Variants in BHLHE41 observed in about 807,000 individuals in gnomAD.
BHLHE41 encodes the protein basic helix-loop-helix family member e41, also known as class E basic helix-loop-helix protein 41.
BHLHE41 carries 14 observed loss-of-function variants against 24.0 expected under a neutral mutation model. The observed-to-expected ratio is 0.58, with a 90% CI of 0.39 to 0.91. BHLHE41 has a LOEUF of 0.91. Ranked by LOEUF, BHLHE41 falls within the 40% of genes least tolerant of loss-of-function variation. The pLI is 0.00. For missense variants in BHLHE41, 674 were observed against 655.4 expected (o/e 1.03, Z -0.31); for synonymous variants, 394 against 315.5 (o/e 1.25, Z -2.64).
Position 26,122,484 on chromosome 12 carries a change from G to A in BHLHE41, c.1031C>T (p.Ala344Val). Residue 344 changes from alanine (A) to valine (V), a missense_variant, in exon 5 of 5, where the codon GCG (alanine) becomes GTG (valine). Around this residue, in one of 3 missense-constraint regions of BHLHE41, gnomAD observed 602 missense variants for 570.8 expected, o/e 1.05. Coordinates refer to ENST00000242728, the MANE Select transcript of BHLHE41 (RefSeq NM_030762.3). The stretch of plus-strand genomic sequence containing the variant: ...GCAGAAGGGCAGGCAGAAGGGGGCC[G>A]CGGCGGCCGCGGGCTGCGGGAAGGG... ...GAPFPQPAAA[A>V]APFCLPFCFL... 3 of 1,332,634 alleles carry A rather than the reference G, an allele frequency of 2.3e-6. No individual in the cohort carries two copies. The highest frequency in any genetic ancestry group is 1.7e-5 in the South Asian group (1 of 58,740). 82.6% of individuals were successfully genotyped at this position (1,332,634 alleles called of 1,614,324 possible). A position where few individuals can be genotyped will look rare whatever the true frequency, so the allele number is the denominator to read the frequency against.
Position 26,120,215 on chromosome 12 carries a change from T to C in BHLHE41, c.*1851A>G, listed in dbSNP as rs543546860. On this transcript the variant is annotated 3_prime_UTR_variant, in exon 5 of 5. Coordinates refer to ENST00000242728, the MANE Select transcript of BHLHE41 (RefSeq NM_030762.3). ...ATAGTTATAGATATCTTAAAACTAA[T>C]TGAGCATCCATTATGTCTTTTTTAA... The C allele has an allele frequency of 1.2e-4, 18 of 152,766 alleles. No individual in the cohort carries two copies. The highest frequency in any genetic ancestry group is 3.1e-4 in the African/African-American group (13 of 41,590). 9.5% of individuals were successfully genotyped at this position (152,766 alleles called of 1,614,324 possible).
rs1944316485 is a variant in BHLHE41 at position 26,122,361 on chromosome 12, A to T, written c.1154T>A (p.Phe385Tyr). Reference protein sequence around the residue: ...YLYPAAAAAPFPLLYPGIPAP... With the variant: ...YLYPAAAAAPYPLLYPGIPAP... ...GGGGATGCCGGGGTATAGCAGCGGGAACGGGGCGGCAGCCGCCGCCGGGTA... is the reference window on the plus strand; with the variant it reads ...GGGGATGCCGGGGTATAGCAGCGGGTACGGGGCGGCAGCCGCCGCCGGGTA... The change falls in exon 5 of 5, where the codon TTC becomes TAC. Residue 385 changes from phenylalanine to tyrosine, a missense_variant. Transcript: ENST00000242728. The T allele has an allele frequency of 2.6e-6, 3 of 1,161,080 alleles. No homozygotes were observed. In the South Asian group the frequency reaches 1.2e-4, roughly 47 times the overall value. 71.9% of individuals were successfully genotyped at this position (1,161,080 alleles called of 1,614,324 possible).
Position 26,121,852 on chromosome 12 carries a change from G to T in BHLHE41, c.*214C>A. ...GGGGAAGAAAGGGATGTTAGTGTGT[G>T]GAGGGTGGGGTGGTGCGGGATGAGC... On this transcript the variant is annotated 3_prime_UTR_variant, in exon 5 of 5. Transcript: ENST00000242728. 8.5e-7 allele frequency: 1 copy of T among 1,177,926 alleles called. No individual in the cohort carries two copies. Among genetic ancestry groups the T allele is most frequent in the Non-Finnish European group, 1.2e-6 (1 of 862,120 alleles). 73.0% of individuals were successfully genotyped at this position (1,177,926 alleles called of 1,614,324 possible). A position where few individuals can be genotyped will look rare whatever the true frequency, so the allele number is the denominator to read the frequency against.
Position 26,122,816 on chromosome 12 carries a change from C to G in BHLHE41, c.699G>C (p.Glu233Asp). 6.3e-7 allele frequency: 1 copy of G among 1,589,970 alleles called. No individual in the cohort carries two copies. Among genetic ancestry groups the G allele is most frequent in the Non-Finnish European group, 8.5e-7 (1 of 1,172,650 alleles). ...AGCCGCTGTCGGTGTCCGTGTCGTT[C>G]TCGGCGGCGAGCTCGGCGCTGGGCT... ...RTQPSAELAA[E>D]NDTDTDSGYG... is the part of the protein sequence containing the mutation. Residue 233 changes from glutamate (E) to aspartate (D), a missense_variant, in exon 5 of 5, where the codon GAG becomes GAC. Physicochemically the swap from Glu to Asp is conservative, Grantham distance 45. Transcript: ENST00000242728.
chr12:26,122,740 C>T lies in BHLHE41; in HGVS notation c.775G>A (p.Gly259Arg), dbSNP rs1944323505. ...TGCTTGATGGTGACGCGGCTCGCCC[C>T]CGCGCCTTTGCCTTTCTCGCGGTCC... ...RPDREKGKGA[G>R]ASRVTIKQEP... Residue 259 changes from glycine to arginine, a missense_variant, in exon 5 of 5, where the codon GGG becomes AGG. Around this residue, in one of 3 missense-constraint regions of BHLHE41, gnomAD observed 602 missense variants for 570.8 expected, o/e 1.05. Coordinates refer to ENST00000242728, the MANE Select transcript of BHLHE41 (RefSeq NM_030762.3). The T allele has an allele frequency of 1.3e-6, 2 of 1,595,954 alleles. No individual in the cohort carries two copies. Among genetic ancestry groups the T allele is most frequent in the Non-Finnish European group, 1.7e-6 (2 of 1,175,916 alleles).
In BHLHE41 at chr12:26,122,908, A is replaced by C. The variant is rs1266757392; in HGVS notation, c.607T>G (p.Cys203Gly). ...AGCTTCTGCCCCGCGCGCTCCAGGCAGGGGGCGGCCGCGGACCCGGCGGCC... is the reference window on the plus strand; with the variant it reads ...AGCTTCTGCCCCGCGCGCTCCAGGCCGGGGGCGGCCGCGGACCCGGCGGCC... ...PSAAGSAAAP[C>G]LERAGQKLEP... Residue 203 changes from cysteine (C) to glycine (G), a missense_variant, in exon 5 of 5, where the codon TGC becomes GGC. Transcript: ENST00000242728. 1 of 1,549,612 alleles carries C rather than the reference A, an allele frequency of 6.5e-7. No homozygotes were observed. Among genetic ancestry groups the C allele is most frequent in the Non-Finnish European group, 8.7e-7 (1 of 1,146,510 alleles).
At chr12:26,123,275 T>A in intron 4 of BHLHE41, 107 bp from the exon 5 acceptor site, 3 of 1,378,338 alleles carry the variant, frequency 2.2e-6, no homozygotes, top group Non-Finnish European at 2.9e-6. Context: ...TCGACTAAAG[T>A]GATCTCGGTT....
In BHLHE41 at chr12:26,124,464, G is replaced by T. The variant is rs562587349; in HGVS notation, c.126+55C>A. 1.8e-5 allele frequency: 28 copies of T among 1,544,532 alleles called. No homozygotes were observed. The East Asian group carries it at 5.4e-4, about 30-fold the overall frequency. ...GGCAGAGCTTCACTGTGAAATCAAT[G>T]GCTCTAATTAACTACCCATGCAGGT... On this transcript the variant is annotated intron_variant, in intron 2 of 4. Coordinates refer to ENST00000242728, the MANE Select transcript of BHLHE41 (RefSeq NM_030762.3).
chr12:26,122,354 C>T lies in BHLHE41; in HGVS notation c.1161G>A (p.Leu387=). The change falls in exon 5 of 5, where the codon CTG becomes CTA. Residue 387 remains leucine, a synonymous_variant. Coordinates refer to ENST00000242728, the MANE Select transcript of BHLHE41 (RefSeq NM_030762.3). ...YPAAAAAPFP[L]LYPGIPAPAA... ...CCGGGGCGGGGATGCCGGGGTATAG[C>T]AGCGGGAACGGGGCGGCAGCCGCCG... 1.7e-6 allele frequency: 2 copies of T among 1,182,630 alleles called. No individual in the cohort carries two copies. The highest frequency in any genetic ancestry group is 3.8e-5 in the East Asian group (1 of 26,538). 73.3% of individuals were successfully genotyped at this position (1,182,630 alleles called of 1,614,324 possible). A position where few individuals can be genotyped will look rare whatever the true frequency, so the allele number is the denominator to read the frequency against.
Position 26,122,390 on chromosome 12 carries a change from A to C in BHLHE41, c.1125T>G (p.Tyr375Ter). Residue 375 changes from tyrosine (Y) to a stop codon, truncating the protein, a stop_gained, in exon 5 of 5, where the codon TAT becomes TAG. Transcript: ENST00000242728. LOFTEE classifies it high-confidence loss of function. ...GGGCGGCAGCCGCCGCCGGGTACAG[A>C]TACTTCTCCAGGCCGCTCTTGTCCA... is the stretch of plus-strand genomic sequence containing the variant. ...PFLDKSGLEK[Y>*]LYPAAAAAPF... 8.0e-7 allele frequency: 1 copy of C among 1,250,782 alleles called. No homozygotes were observed. Among genetic ancestry groups the C allele is most frequent in the Non-Finnish European group, 1.0e-6 (1 of 990,744 alleles). 77.5% of individuals were successfully genotyped at this position (1,250,782 alleles called of 1,614,324 possible). A position where few individuals can be genotyped will look rare whatever the true frequency, so the allele number is the denominator to read the frequency against.
Position 26,124,867 on chromosome 12 carries a change from G to A in BHLHE41, c.-88C>T, listed in dbSNP as rs1354974290. 3 of 1,277,504 alleles carry A rather than the reference G, an allele frequency of 2.3e-6. No individual in the cohort carries two copies. Among genetic ancestry groups the A allele is most frequent in the East Asian group, 2.3e-5 (1 of 43,310 alleles). 79.1% of individuals were successfully genotyped at this position (1,277,504 alleles called of 1,614,324 possible). ...CGGTAGGCTTGGGAGACCTTGGGGG[G>A]ATCTGTGCGTCTCCAGTCTCTCTCT... On this transcript the variant is annotated 5_prime_UTR_variant, in exon 1 of 5. Transcript: ENST00000242728.
At chr12:26,123,291 C>G in intron 4 of BHLHE41, 123 bp from the exon 5 acceptor site, 1 of 1,313,248 alleles carries the variant, frequency 7.6e-7, no homozygotes, top group Non-Finnish European at 1.0e-6. Flanking sequence ...CGGTTTTTCC[C>G]CAGTATTCAA....
Position 26,122,484 on chromosome 12 carries a change from G to C in BHLHE41, c.1031C>G (p.Ala344Gly). 1 of 1,332,634 alleles carries C rather than the reference G, an allele frequency of 7.5e-7. No individual in the cohort carries two copies. Among genetic ancestry groups the C allele is most frequent in the Non-Finnish European group, 9.7e-7 (1 of 1,031,586 alleles). The allele number at this position is 1,332,634 out of a possible 1,614,324, so 82.6% of individuals were successfully genotyped here. Residue 344 changes from alanine to glycine, a missense_variant, in exon 5 of 5, where the codon GCG (alanine) becomes GGG (glycine). Physicochemically the swap from Ala to Gly is moderately conservative, Grantham distance 60. Around this residue, in one of 3 missense-constraint regions of BHLHE41, gnomAD observed 602 missense variants for 570.8 expected, o/e 1.05. Transcript: ENST00000242728. ...GCAGAAGGGCAGGCAGAAGGGGGCCGCGGCGGCCGCGGGCTGCGGGAAGGG... is the reference window on the plus strand; with the variant it reads ...GCAGAAGGGCAGGCAGAAGGGGGCCCCGGCGGCCGCGGGCTGCGGGAAGGG... The part of the protein sequence containing the change: ...GAPFPQPAAA[A>G]APFCLPFCFL...
chr12:26,122,864 G>C lies in BHLHE41; in HGVS notation c.651C>G (p.Cys217Trp). 6.4e-7 allele frequency: 1 copy of C among 1,563,540 alleles called. No individual in the cohort carries two copies. The highest frequency in any genetic ancestry group is 1.4e-5 in the African/African-American group (1 of 73,746). ...GCTGAGTCCGCTGGATGACGGGCAC[G>C]CAGTAGGCGAGGGGCTCCAGCTTCT... ...AGQKLEPLAY[C>W]VPVIQRTQPS... The change falls in exon 5 of 5, where the codon TGC (cysteine) becomes TGG (tryptophan). Residue 217 changes from cysteine (C) to tryptophan (W), a missense_variant. Transcript: ENST00000242728.
chr12:26,122,581 C>T lies in BHLHE41; in HGVS notation c.934G>A (p.Ala312Thr). 9.0e-7 allele frequency: 1 copy of T among 1,109,446 alleles called. No homozygotes were observed. The highest frequency in any genetic ancestry group is 1.1e-6 in the Non-Finnish European group (1 of 911,604). 68.7% of individuals were successfully genotyped at this position (1,109,446 alleles called of 1,614,324 possible). A position where few individuals can be genotyped will look rare whatever the true frequency, so the allele number is the denominator to read the frequency against. Residue 312 changes from alanine to threonine, a missense_variant, in exon 5 of 5, where the codon GCG becomes ACG. Ala to Thr is a moderately conservative substitution (Grantham distance 58, BLOSUM62 0). Transcript: ENST00000242728. ...AALLGPDPAA[A>T]AALLRPDAAL... ...GCGTCGGGTCTCAGCAGCGCGGCCGCGGCGGCAGGGTCGGGCCCCAGAAGC... is the reference window on the plus strand; with the variant it reads ...GCGTCGGGTCTCAGCAGCGCGGCCGTGGCGGCAGGGTCGGGCCCCAGAAGC...
rs754431203 is a variant in BHLHE41 at position 26,125,030 on chromosome 12, AGT to A, written c.-253_-252del. The A allele has an allele frequency of 5.4e-6, 3 of 551,576 alleles. No homozygotes were observed. In the South Asian group the frequency reaches 5.7e-5, roughly 10 times the overall value. 34.2% of individuals were successfully genotyped at this position (551,576 alleles called of 1,614,324 possible). The stretch of plus-strand genomic sequence containing the variant: ...CTGGTAGTTTGCTCTCACTCCAGGC[AGT>A]GTTTGGCCACAGGGCACGCGCGTCG... On this transcript the variant is annotated 5_prime_UTR_variant, in exon 1 of 5. Transcript: ENST00000242728.
Position 26,122,465 on chromosome 12 carries a change from G to A in BHLHE41, c.1050C>T (p.Pro350=). The change falls in exon 5 of 5, where the codon CCC becomes CCT. Residue 350 remains proline (P), a synonymous_variant. Coordinates refer to ENST00000242728, the MANE Select transcript of BHLHE41 (RefSeq NM_030762.3). The part of the protein sequence containing the change: ...PAAAAAPFCL[P]FCFLSPSAAA... ...CTGCAGAAGGCGAGAGGAAGCAGAA[G>A]GGCAGGCAGAAGGGGGCCGCGGCGG... is the stretch of plus-strand genomic sequence containing the variant. 3 of 1,352,364 alleles carry A rather than the reference G, an allele frequency of 2.2e-6. No individual in the cohort carries two copies. The highest frequency in any genetic ancestry group is 9.6e-7 in the Non-Finnish European group (1 of 1,043,224). 83.8% of individuals were successfully genotyped at this position (1,352,364 alleles called of 1,614,324 possible). A position where few individuals can be genotyped will look rare whatever the true frequency, so the allele number is the denominator to read the frequency against.
At position 26,122,836 on chromosome 12, in the gene BHLHE41, T is replaced by C. The variant is rs1403819725; in HGVS notation, c.679A>G (p.Ser227Gly). ...TCGTTCTCGGCGGCGAGCTCGGCGCTGGGCTGAGTCCGCTGGATGACGGGC... is the reference window on the plus strand; with the variant it reads ...TCGTTCTCGGCGGCGAGCTCGGCGCCGGGCTGAGTCCGCTGGATGACGGGC... ...CVPVIQRTQP[S>G]AELAAENDTD... The change falls in exon 5 of 5, where the codon AGC becomes GGC. Residue 227 changes from serine (S) to glycine (G), a missense_variant. Ser to Gly is a moderately conservative substitution (Grantham distance 56). Around this residue, in one of 3 missense-constraint regions of BHLHE41, gnomAD observed 602 missense variants for 570.8 expected, o/e 1.05. Transcript: ENST00000242728. 1 of 1,581,172 alleles carries C rather than the reference T, an allele frequency of 6.3e-7. No homozygotes were observed. Among genetic ancestry groups the C allele is most frequent in the Non-Finnish European group, 8.6e-7 (1 of 1,166,912 alleles).
chr12:26,122,925 C>T lies in BHLHE41; in HGVS notation c.590G>A (p.Gly197Glu). ...SKGTGAPSAA[G>E]SAAAPCLERA... ...CTCCAGGCAGGGGGCGGCCGCGGAC[C>T]CGGCGGCCGAGGGAGCGCCGGTGCC... Residue 197 changes from glycine (G) to glutamate (E), a missense_variant, in exon 5 of 5, where the codon GGG becomes GAG. Gly to Glu is a moderately conservative substitution (Grantham distance 98, BLOSUM62 -2). Coordinates refer to ENST00000242728, the MANE Select transcript of BHLHE41 (RefSeq NM_030762.3). The T allele has an allele frequency of 6.4e-7, 1 of 1,550,948 alleles. No homozygotes were observed. Among genetic ancestry groups the T allele is most frequent in the Non-Finnish European group, 8.7e-7 (1 of 1,146,782 alleles).
Sources: gnomAD v4.1 joint callset for allele counts on GRCh38, gnomAD v4.1.1 for gene constraint, gnomAD v4.1.1 regional missense constraint, MANE v1.5 for transcripts, NCBI Gene and HGNC (gene_info 2026-07-23, HGNC 2026-07-21) for gene names.